CRHR1: variants seen among roughly 807,000 people sequenced by gnomAD.
The protein encoded by CRHR1 is corticotropin releasing hormone receptor 1, also known as corticotropin-releasing hormone receptor 1.
A neutral mutation model predicts 56.0 loss-of-function variants in CRHR1; 28 were observed. The ratio of observed to expected loss-of-function variants is 0.50; its 90% CI spans 0.37 to 0.69. The LOEUF (loss-of-function observed/expected upper bound fraction) is 0.69. Ranked by LOEUF, CRHR1 falls within the 30% of genes least tolerant of loss-of-function variation. The pLI, the probability that CRHR1 is intolerant of heterozygous loss-of-function variation, is 0.00. For missense variants in CRHR1, 376 were observed against 548.0 expected (o/e 0.69, Z 3.13); for synonymous variants, 195 against 216.5 (o/e 0.90, Z 0.87).
chr17:45,797,960 C>T (rs1406203157), intron 1 of CRHR1, among the ~76,000 whole-genome samples: 1 of 152,080 alleles, frequency 6.6e-6, no homozygotes, highest in Non-Finnish European at 1.5e-5. Context: ...AGTGCTTTTT[C>T]CTCTAGCACA....
rs549281829 is a variant in CRHR1 at position 45,830,276 on chromosome 17, G to A, written c.555+62G>A. The stretch of plus-strand genomic sequence containing the variant: ...CAAACCCAGGTCAGAGGAGGGGCCC[G>A]CCTGCCCTGCAGAGGAGGAGCCCAC... On this transcript the variant is annotated intron_variant, in intron 6 of 12. Transcript: ENST00000314537. 6.2e-4 allele frequency: 767 copies of A among 1,237,186 alleles called. 3 individuals are homozygous for A. In the African/African-American group the frequency reaches 8.7e-3, roughly 14 times the overall value. The allele number at this position is 1,237,186 out of a possible 1,614,324, so 76.6% of individuals were successfully genotyped here.
At chr17:45,811,455 C>T (rs140603067) in intron 2 of CRHR1, among the ~76,000 whole-genome samples, 1 of 152,198 alleles carries the variant, frequency 6.6e-6, no homozygotes, top group African/African-American at 2.4e-5. Flanking sequence ...GATATAGGAC[C>T]GGTTTTTGCA....
At chr17:45,788,367 C>T (rs189683248) in intron 1 of CRHR1, among the ~76,000 whole-genome samples, 5 of 152,290 alleles carry the variant, frequency 3.3e-5, no homozygotes, top group Admixed American at 3.3e-4. Flanking sequence ...TGTTATCTCT[C>T]ATGTCTCTGT....
intron 8 of CRHR1, among the ~76,000 whole-genome samples, chr17:45,831,885 A>T (rs572598237): frequency 6.6e-6 from 1 of 152,264 alleles, no homozygotes; most frequent in South Asian, 2.1e-4. Context: ...GCACGGCTTC[A>T]TTGGGCTGAA....
At chr17:45,811,410 C>T (rs1048550093) in intron 2 of CRHR1, among the ~76,000 whole-genome samples, 5 of 152,254 alleles carry the variant, frequency 3.3e-5, no homozygotes, top group African/African-American at 4.8e-5. Flanking sequence ...GCGGGCCCCA[C>T]GCATTTGTTC....
At chr17:45,794,138 C>G (rs1317860378) in intron 1 of CRHR1, among the ~76,000 whole-genome samples, 1 of 152,254 alleles carries the variant, frequency 6.6e-6, no homozygotes, top group Non-Finnish European at 1.5e-5. Context: ...CCATGGCCAA[C>G]TGGCGTGTGG....
At chr17:45,789,405 TCTG>T (rs950015625) in intron 1 of CRHR1, among the ~76,000 whole-genome samples, 1 of 150,734 alleles carries the variant, frequency 6.6e-6, no homozygotes, top group Non-Finnish European at 1.5e-5. Flanking sequence ...AGGGTCTCAC[TCTG>T]TTGCCCAGGC....
At chr17:45,806,914 T>G (rs2146307729) in intron 1 of CRHR1, 96 bp from the exon 2 acceptor site, 9 of 1,018,102 alleles carry the variant, frequency 8.8e-6, no homozygotes, top group Non-Finnish European at 1.5e-6. Context: ...GGCAGGCAGG[T>G]GCAGTGTCAC....
intron 1 of CRHR1, among the ~76,000 whole-genome samples, chr17:45,788,346 A>T (rs2061370335): frequency 2.0e-5 from 3 of 152,144 alleles, no homozygotes; most frequent in Admixed American, 6.5e-5. Context: ...GGGGTATTGG[A>T]CTGGATTCTC....
intron 1 of CRHR1, chr17:45,799,295 G>A (rs1212994199): frequency 6.6e-6 from 1 of 152,226 alleles, no homozygotes; most frequent in Non-Finnish European, 1.5e-5. Flanking sequence ...CCCTGCTCTT[G>A]TATTCAATTA....
Position 45,784,604 on chromosome 17 carries a change from G to A in CRHR1, c.33+27G>A, listed in dbSNP as rs766434767. 1 of 1,539,306 alleles carries A rather than the reference G, an allele frequency of 6.5e-7. No homozygotes were observed. The highest frequency in any genetic ancestry group is 8.8e-7 in the Non-Finnish European group (1 of 1,142,116). On this transcript the variant is annotated intron_variant, in intron 1 of 12. Coordinates refer to ENST00000314537, the MANE Select transcript of CRHR1 (RefSeq NM_004382.5). This position sits in a 1 kb window ranked among gnomAD's most constrained non-coding sequence, Gnocchi z 4.2. The stretch of plus-strand genomic sequence containing the variant: ...TAACAGCCCGCCGGCCATCCCTCGA[G>A]CGCTGGCGCCCCCGGCCCCTGGCGG...
intron 1 of CRHR1, among the ~76,000 whole-genome samples, chr17:45,803,275 G>A (rs1015702785): frequency 3.3e-5 from 5 of 152,208 alleles, no homozygotes; most frequent in East Asian, 1.9e-4. Context: ...ATGAAAGACC[G>A]GAGCACGAAG....
At chr17:45,827,790 T>A (rs1364741064) in intron 4 of CRHR1, 1 of 152,376 alleles carries the variant, frequency 6.6e-6, no homozygotes, top group African/African-American at 2.4e-5. Context: ...GCATAGGGTC[T>A]TGGCTTCTCC....
chr17:45,822,416 G>T (rs1425374265), intron 4 of CRHR1, among the ~76,000 whole-genome samples: 1 of 152,200 alleles, frequency 6.6e-6, no homozygotes, highest in Non-Finnish European at 1.5e-5. Flanking sequence ...TTTCTCCCTT[G>T]GTGCTGAGGA....
In CRHR1 at chr17:45,832,069, C is replaced by CA. The variant is rs1555657429; in HGVS notation, c.771-1062dup. Among the ~76,000 whole-genome samples the CA allele has an allele frequency of 2.3e-4, 35 of 150,764 alleles. No homozygotes were observed. The South Asian group carries it at 5.1e-3, about 22-fold the overall frequency. On this transcript the variant is annotated intron_variant, in intron 8 of 12. Transcript: ENST00000314537. ...AACCCCGTATCTACTAAAAAAAAAA[C>CA]AAAAAAACAAAAATTAGCTGGGTGT...
intron 2 of CRHR1, among the ~76,000 whole-genome samples, chr17:45,809,434 CAGG>C (rs1369533121): frequency 6.6e-6 from 1 of 152,178 alleles, no homozygotes; most frequent in Non-Finnish European, 1.5e-5. Flanking sequence ...TCGTTATGCT[CAGG>C]AGGAGAGACA....
chr17:45,832,372 C>G (rs897090597), intron 8 of CRHR1, among the ~76,000 whole-genome samples: 1 of 152,236 alleles, frequency 6.6e-6, no homozygotes, highest in African/African-American at 2.4e-5. Context: ...AACGAACTTG[C>G]AGACCAGAGG....
intron 1 of CRHR1, among the ~76,000 whole-genome samples, chr17:45,794,807 G>A (rs535161777): frequency 3.9e-5 from 6 of 152,282 alleles, no homozygotes; most frequent in South Asian, 2.1e-4. Context: ...CCTTGTCCCC[G>A]CACTCATCCA....
rs144015683 is a variant in CRHR1, at chr17:45,809,375, T to A, written c.121+2278T>A. ...GCTGGGCCTGAGAGGAAAGGCCCTA[T>A]CCCCAGCTCCCCCATGCTCTGGGGC... is the stretch of plus-strand genomic sequence containing the variant. On this transcript the variant is annotated intron_variant, in intron 2 of 12. Transcript: ENST00000314537. 4.6e-3 allele frequency among the ~76,000 whole-genome samples: 706 copies of A among 152,286 alleles called. 9 individuals carry two copies. Among genetic ancestry groups the A allele is most frequent in the African/African-American group, 0.017 (687 of 41,550 alleles).
Sources: allele counts gnomAD v4.1 joint callset (sites outside exome capture counted in the v4.1 genomes callset), GRCh38; gene constraint gnomAD v4.1.1; non-coding constraint Gnocchi (gnomAD v3.1); transcripts MANE v1.5; gene names NCBI Gene and HGNC (gene_info 2026-07-23, HGNC 2026-07-21).